The following OR3A2 variants were observed in gnomAD, a reference collection of about 807,000 sequenced individuals.
OR3A2 encodes olfactory receptor family 3 subfamily A member 2, also known as olfactory receptor 3A2.
For missense variants in OR3A2, 318 were observed against 392.8 expected (o/e 0.81, Z 1.61); for synonymous variants, 126 against 159.3 (o/e 0.79, Z 1.57).
chr17:3,303,807 G>A (rs545587197), intron 3 of OR3A2, among the ~76,000 whole-genome samples: 28 of 150,810 alleles, frequency 1.9e-4, no homozygotes, highest in African/African-American at 6.1e-4. Flanking sequence ...CAGAAGGATC[G>A]CTTGAACCTG....
At chr17:3,366,652 A>G (rs2049566683) in intron 2 of OR3A2, among the ~76,000 whole-genome samples, 1 of 152,204 alleles carries the variant, frequency 6.6e-6, no homozygotes, top group Admixed American at 6.5e-5. Flanking sequence ...AATTTGTTTC[A>G]TCTCAGTTTT....
At chr17:3,381,653 G>GA (rs11406380) in intron 2 of OR3A2, among the ~76,000 whole-genome samples, 2,108 of 151,256 alleles carry the variant, frequency 0.014, 36 homozygotes, top group African/African-American at 0.047. Context: ...TACTTTTGGA[G>GA]AAAAAAAAAT....
exon 2 of OR3A2, chr17:3,278,163 C>G (rs553493994): frequency 6.2e-7 from 1 of 1,614,218 alleles, no homozygotes; most frequent in East Asian, 2.2e-5. Flanking sequence ...AAAGAAAAGA[C>G]AAACCACGGT....
chr17:3,294,954 T>C (rs2048907455), intron 3 of OR3A2, among the ~76,000 whole-genome samples: 1 of 152,144 alleles, frequency 6.6e-6, no homozygotes, highest in African/African-American at 2.4e-5. Context: ...AGTTTTGTTT[T>C]GTTTGTTTTT....
At chr17:3,348,858 G>C (rs1337445264) in intron 2 of OR3A2, among the ~76,000 whole-genome samples, 2 of 152,170 alleles carry the variant, frequency 1.3e-5, no homozygotes, top group East Asian at 3.9e-4. Context: ...CCAGCCAGAA[G>C]AGAGTGGGGG....
At chr17:3,302,085 A>T (rs375055771) in intron 3 of OR3A2, among the ~76,000 whole-genome samples, 4 of 152,282 alleles carry the variant, frequency 2.6e-5, no homozygotes, top group South Asian at 4.2e-4. Flanking sequence ...TGCTCAACGA[A>T]ATAAAAGAGG....
chr17:3,294,157 T>G (rs952933316), intron 3 of OR3A2, among the ~76,000 whole-genome samples: 4 of 151,734 alleles, frequency 2.6e-5, no homozygotes, highest in Non-Finnish European at 4.4e-5. Flanking sequence ...TACCCAACAT[T>G]TCGGCCTCTC....
chr17:3,354,258 A>AT (rs2049444990), intron 2 of OR3A2, among the ~76,000 whole-genome samples: 1 of 151,278 alleles, frequency 6.6e-6, no homozygotes, highest in Admixed American at 6.6e-5. Flanking sequence ...TAGGATTTGT[A>AT]TTAGTTTTTA....
intron 2 of OR3A2, among the ~76,000 whole-genome samples, chr17:3,358,341 C>A (rs183619824): frequency 6.6e-6 from 1 of 151,504 alleles, no homozygotes; most frequent in East Asian, 1.9e-4. Context: ...TTTGTTCTTG[C>A]TTCTTTAATC....
chr17:3,338,150 C>A (rs545576073), intron 2 of OR3A2, among the ~76,000 whole-genome samples: 1 of 152,200 alleles, frequency 6.6e-6, no homozygotes, highest in East Asian at 1.9e-4. Flanking sequence ...TGTTTAAGTT[C>A]TTTGTAGATT....
At chr17:3,301,356 G>T (rs1447374820) in intron 3 of OR3A2, among the ~76,000 whole-genome samples, 3 of 151,862 alleles carry the variant, frequency 2.0e-5, no homozygotes, top group South Asian at 2.1e-4. Context: ...AGCACCTGTT[G>T]TTTCCTGACT....
intron 3 of OR3A2, among the ~76,000 whole-genome samples, chr17:3,331,406 G>A (rs1339885033): frequency 6.6e-6 from 1 of 151,886 alleles, no homozygotes; most frequent in Non-Finnish European, 1.5e-5. Context: ...TGGAGGCTTT[G>A]CTCATTTCTT....
chr17:3,372,762 G>A (rs2049641876), intron 2 of OR3A2, among the ~76,000 whole-genome samples: 3 of 151,676 alleles, frequency 2.0e-5, no homozygotes, highest in Admixed American at 1.3e-4. Context: ...GCAGTGAGCC[G>A]AGATGGCAGC....
chr17:3,300,351 GA>G (rs906054395), intron 3 of OR3A2, among the ~76,000 whole-genome samples: 5 of 152,260 alleles, frequency 3.3e-5, no homozygotes, highest in South Asian at 4.1e-4. Context: ...CTGAGGTCAG[GA>G]GTTCGAGACC....
At chr17:3,370,923 C>G (rs529406823) in intron 2 of OR3A2, among the ~76,000 whole-genome samples, 1 of 152,160 alleles carries the variant, frequency 6.6e-6, no homozygotes, top group African/African-American at 2.4e-5. Flanking sequence ...GCACATGTTT[C>G]AGAGAGCACA....
intron 3 of OR3A2, among the ~76,000 whole-genome samples, chr17:3,321,689 T>C (rs2049123572): frequency 6.6e-6 from 1 of 152,236 alleles, no homozygotes; most frequent in South Asian, 2.1e-4. Context: ...CATTTATTGA[T>C]TGGCATATGT....
Position 3,279,125 on chromosome 17 carries a change from T to C in OR3A2, c.-6-202A>G, listed in dbSNP as rs1405848643. On this transcript the variant is annotated intron_variant, in intron 1 of 1. The change abolishes an upstream ATG in the 5' untranslated region. Coordinates refer to ENST00000642052, the Ensembl canonical transcript of OR3A2. ...TGACACCACCACCTTGTCCTCCTCA[T>C]CCTCTGCTAGCTGAAAAGGTCAGAA... 1.7e-5 allele frequency: 13 copies of C among 787,312 alleles called. No homozygotes were observed. In the South Asian group the frequency reaches 2.0e-4, roughly 12 times the overall value. The allele number at this position is 787,312 out of a possible 1,614,324, so 48.8% of individuals were successfully genotyped here.
At chr17:3,322,596 AACATCTT>A (rs1353130910) in intron 3 of OR3A2, among the ~76,000 whole-genome samples, 70 of 152,290 alleles carry the variant, frequency 4.6e-4, no homozygotes, top group African/African-American at 1.6e-3. Flanking sequence ...GGTTTCAAAG[AACATCTT>A]TATTTCTGCC....
Position 3,364,471 on chromosome 17 carries a change from T to C in OR3A2, c.-179+19333A>G, listed in dbSNP as rs140176209. 5.1e-3 allele frequency among the ~76,000 whole-genome samples: 771 copies of C among 152,280 alleles called. 3 individuals carry two copies. The highest frequency in any genetic ancestry group is 0.018 in the African/African-American group (735 of 41,546). On this transcript the variant is annotated intron_variant, in intron 2 of 4. Transcript: ENST00000573491. Reference sequence around the variant, plus strand: ...CCTCCTAACTGAAATCTTGTACCTTTTGACCAATGCCCCCCATCCCTGTCC... The same window carrying C: ...CCTCCTAACTGAAATCTTGTACCTTCTGACCAATGCCCCCCATCCCTGTCC...
Sources: gnomAD v4.1 joint callset for allele counts (sites outside exome capture counted in the v4.1 genomes callset) on GRCh38, gnomAD v4.1.1 for gene constraint, MANE v1.5 for transcripts, NCBI Gene and HGNC (gene_info 2026-07-23, HGNC 2026-07-21) for gene names.